Variants in ADCY7 observed in about 807,000 individuals in gnomAD.
ADCY7 encodes the protein adenylate cyclase 7.
In ADCY7, 72 loss-of-function variants were observed where a neutral mutation model predicts 120.6. That is an observed-to-expected ratio of 0.60 (90% CI 0.49 to 0.73). The LOEUF (loss-of-function observed/expected upper bound fraction) is 0.73. Among genes scored for constraint, ADCY7 ranks in the 30% least tolerant of loss-of-function variants. The pLI is 0.00. For synonymous variants in ADCY7, 661 were observed against 628.0 expected, an observed-to-expected ratio of 1.05 and a Z score of -0.78; for missense variants, 1,227 against 1,486.0, an observed-to-expected ratio of 0.83 and a Z score of 2.87.
At chr16:50,292,601 T>G in intron 4 of ADCY7, 75 bp from the exon 5 acceptor site, 2 of 1,541,502 alleles carry the variant, frequency 1.3e-6, no homozygotes, top group Non-Finnish European at 1.8e-6. Context: ...CCATCACTAG[T>G]CCGCCTAGGG....
intron 17 of ADCY7, chr16:50,309,203 T>C: frequency 3.0e-6 from 1 of 334,974 alleles, no homozygotes; most frequent in South Asian, 5.6e-5. Flanking sequence ...GGCTAGGGCC[T>C]CTCCCTCACC....
chr16:50,264,236 T>C (rs960030275), upstream of ADCY7, among the ~76,000 whole-genome samples: 13 of 152,218 alleles, frequency 8.5e-5, no homozygotes, highest in Admixed American at 3.3e-4. Context: ...AATGTGTCTT[T>C]TGTGGGTGGG....
chr16:50,270,392 C>T (rs554679272), intron 1 of ADCY7, among the ~76,000 whole-genome samples: 19 of 152,328 alleles, frequency 1.2e-4, no homozygotes, highest in Admixed American at 3.3e-4. Context: ...TCCGGCGGCA[C>T]GGGTTCCAGC....
chr16:50,304,203 C>T lies in ADCY7; in HGVS notation c.1369-157C>T, dbSNP rs139044410. Among the ~76,000 whole-genome samples the T allele has an allele frequency of 8.4e-3, 1,278 of 152,284 alleles. 10 individuals are homozygous for T. Among genetic ancestry groups the T allele is most frequent in the Middle Eastern group, 0.075 (22 of 294 alleles). ...GCTAGTCCCCAAGGGCAGCCGCTCT[C>T]CAAGGGGACTGCGGGTTGAGCAACT... On this transcript the variant is annotated intron_variant, in intron 10 of 25. Transcript: ENST00000673801.
At position 50,294,959 on chromosome 16, in the gene ADCY7, C is replaced by G. The variant is rs112427844; in HGVS notation, c.948+208C>G. On this transcript the variant is annotated intron_variant, in intron 7 of 25. Transcript: ENST00000673801. ...CCAGGATCCTGTGCCCCCAGAGTGA[C>G]AGGCCAGTGGGGAGACTGACAGTGC... is the stretch of plus-strand genomic sequence containing the variant. 0.015 allele frequency among the ~76,000 whole-genome samples: 2,295 copies of G among 152,266 alleles called. 65 individuals are homozygous for G. Among genetic ancestry groups the G allele is most frequent in the African/African-American group, 0.052 (2,168 of 41,536 alleles).
chr16:50,284,225 G>C (rs1485799910), intron 1 of ADCY7, among the ~76,000 whole-genome samples: 1 of 152,184 alleles, frequency 6.6e-6, no homozygotes, highest in Admixed American at 6.5e-5. Flanking sequence ...ATTCCCCCCA[G>C]GCCTCACGGT....
At chr16:50,269,739 C>G (rs1462389392) in intron 1 of ADCY7, among the ~76,000 whole-genome samples, 1 of 152,164 alleles carries the variant, frequency 6.6e-6, no homozygotes. Flanking sequence ...TCTCTCCTAC[C>G]TCTCCCACTG....
intron 1 of ADCY7, among the ~76,000 whole-genome samples, chr16:50,256,253 A>G (rs1185594947): frequency 2.0e-5 from 3 of 152,220 alleles, no homozygotes; most frequent in Non-Finnish European, 4.4e-5. Context: ...CAATTAAAAA[A>G]TGGGCAAAGA....
At chr16:50,279,656 C>G (rs1373013048) in intron 1 of ADCY7, 3 of 152,220 alleles carry the variant, frequency 2.0e-5, no homozygotes, top group Admixed American at 6.5e-5. Context: ...CTCTTGGTAC[C>G]TGGCCTGGCA....
rs751779192 is a variant in ADCY7 at position 50,311,803 on chromosome 16, C to CAT, written c.2448+17_2448+18insAT. 9.8e-6 allele frequency: 8 copies of CAT among 817,052 alleles called. No homozygotes were observed. The South Asian group carries it at 1.2e-4, about 12-fold the overall frequency. 50.6% of individuals were successfully genotyped at this position (817,052 alleles called of 1,614,324 possible). ...TCCAGACAGGTAAGGAGGCTGGCCCCCCCCCCCCCCCCAAGCTCTGCCCAC... is the reference window on the plus strand; with the variant it reads ...TCCAGACAGGTAAGGAGGCTGGCCCCATCCCCCCCCCCCCAAGCTCTGCCCAC... On this transcript the variant is annotated intron_variant, in intron 20 of 25. Coordinates refer to ENST00000673801, the MANE Select transcript of ADCY7 (RefSeq NM_001114.5).
At chr16:50,302,462 G>A (rs531452868) in intron 10 of ADCY7, among the ~76,000 whole-genome samples, 53 of 152,324 alleles carry the variant, frequency 3.5e-4, no homozygotes, top group African/African-American at 1.2e-3. Flanking sequence ...TGCCTGGGCC[G>A]ACTTGAATTT....
intron 4 of ADCY7, among the ~76,000 whole-genome samples, chr16:50,292,185 C>A (rs950804939): frequency 1.3e-5 from 2 of 152,192 alleles, no homozygotes; most frequent in African/African-American, 4.8e-5. Flanking sequence ...GGGGTGAGTC[C>A]CATTGCCGAA....
At chr16:50,284,354 C>G (rs1031729755) in intron 1 of ADCY7, among the ~76,000 whole-genome samples, 1 of 152,232 alleles carries the variant, frequency 6.6e-6, no homozygotes, top group Non-Finnish European at 1.5e-5. Context: ...CTAATGAGTT[C>G]CTTGAGAGGC....
chr16:50,249,711 C>T (rs559982159), intron 1 of ADCY7, among the ~76,000 whole-genome samples: 2 of 152,348 alleles, frequency 1.3e-5, no homozygotes, highest in African/African-American at 4.8e-5. Flanking sequence ...GGCTCCTCTG[C>T]AGGTAAGCAC....
At position 50,316,747 on chromosome 16, in the gene ADCY7, TAAC is replaced by T. The variant is rs763589878; in HGVS notation, c.*1247_*1249del. On this transcript the variant is annotated 3_prime_UTR_variant, in exon 26 of 26. Coordinates refer to ENST00000673801, the MANE Select transcript of ADCY7 (RefSeq NM_001114.5). The stretch of plus-strand genomic sequence containing the variant: ...AAGGAATTGAAAGTCAACCTAACTG[TAAC>T]AACAGGGTGAGAAATGACCAAACTG... The T allele has an allele frequency of 6.6e-6, 1 of 152,344 alleles. No individual in the cohort carries two copies. Among genetic ancestry groups the T allele is most frequent in the Non-Finnish European group, 1.5e-5 (1 of 68,046 alleles). 9.4% of individuals were successfully genotyped at this position (152,344 alleles called of 1,614,324 possible).
chr16:50,289,609 G>A (rs1322712958), intron 2 of ADCY7, among the ~76,000 whole-genome samples: 2 of 152,232 alleles, frequency 1.3e-5, no homozygotes, highest in African/African-American at 2.4e-5. Flanking sequence ...GGGATTACAG[G>A]CCCATGCCAC....
intron 25 of ADCY7, 106 bp from the exon 26 acceptor site, chr16:50,315,253 A>T (rs546345258): frequency 2.1e-5 from 33 of 1,567,822 alleles, no homozygotes; most frequent in Middle Eastern, 1.7e-4. Context: ...TAGCTATCAC[A>T]CTCTCCAGGG....
Position 50,315,249 on chromosome 16 carries a change from TCA to T in ADCY7, c.3097-106_3097-105del, listed in dbSNP as rs2036743307. On this transcript the variant is annotated intron_variant, in intron 25 of 25. Transcript: ENST00000673801. ...CACCCAGCAGCCATGGTTCTAGCTATCACACTCTCCAGGGAAGGCAGACTGCA... is the reference window on the plus strand; with the variant it reads ...CACCCAGCAGCCATGGTTCTAGCTATCACTCTCCAGGGAAGGCAGACTGCA... 15 of 1,570,644 alleles carry T rather than the reference TCA, an allele frequency of 9.6e-6. No homozygotes were observed. In the East Asian group the frequency reaches 2.5e-4, roughly 26 times the overall value.
At chr16:50,310,529 A>T in intron 18 of ADCY7, 158 bp from the exon 19 acceptor site, 1 of 1,542,680 alleles carries the variant, frequency 6.5e-7, no homozygotes, top group Non-Finnish European at 8.7e-7. Context: ...ACAACACTGG[A>T]CACTCTTAGG....
Sources: allele counts gnomAD v4.1 joint callset (sites outside exome capture counted in the v4.1 genomes callset), GRCh38; gene constraint gnomAD v4.1.1; transcripts MANE v1.5; gene names NCBI Gene and HGNC (gene_info 2026-07-23, HGNC 2026-07-21).